TRIM37: variants seen among roughly 807,000 people sequenced by gnomAD.
TRIM37 encodes E3 ubiquitin-protein ligase TRIM37.
In TRIM37, 80 loss-of-function variants were observed where a neutral mutation model predicts 129.8. That is an observed-to-expected ratio of 0.62 (90% CI 0.51 to 0.74). The LOEUF is 0.74. Ranked by LOEUF, TRIM37 falls within the 30% of genes least tolerant of loss-of-function variation. The pLI is 0.00. For missense variants in TRIM37, 1,054 were observed against 1,176.5 expected (o/e 0.90, Z 1.52); for synonymous variants, 389 against 387.1 (o/e 1.00, Z -0.06).
chr17:59,032,473 C>T (rs1476836901), intron 17 of TRIM37, among the ~76,000 whole-genome samples: 1 of 141,806 alleles, frequency 7.1e-6, no homozygotes, highest in Non-Finnish European at 1.5e-5. Context: ...TGCAGTGAGC[C>T]GAGATTGCGC....
chr17:59,071,735 A>G (rs1408190987), intron 8 of TRIM37, among the ~76,000 whole-genome samples: 2 of 152,218 alleles, frequency 1.3e-5, no homozygotes, highest in African/African-American at 4.8e-5. Context: ...TAACAAATCT[A>G]ACTTCAGTAA....
At chr17:59,041,928 T>A (rs755416317) in intron 16 of TRIM37, 30 bp from the exon 17 acceptor site, 1 of 1,518,804 alleles carries the variant, frequency 6.6e-7, no homozygotes, top group South Asian at 1.1e-5. Context: ...ATCATTTATA[T>A]AGAGTGATAC....
intron 16 of TRIM37, among the ~76,000 whole-genome samples, chr17:59,046,575 C>T (rs1457681273): frequency 7.4e-6 from 1 of 135,124 alleles, no homozygotes; most frequent in Non-Finnish European, 1.6e-5. Flanking sequence ...TCTCAACTGT[C>T]GCCCAGGCTG....
At chr17:59,094,661 TG>T in intron 2 of TRIM37, among the ~76,000 whole-genome samples, 1 of 151,966 alleles carries the variant, frequency 6.6e-6, no homozygotes, top group South Asian at 2.1e-4. Flanking sequence ...CAATTACTAC[TG>T]GATGTGAGGA....
chr17:59,072,514 G>A (rs1471668856), intron 8 of TRIM37, among the ~76,000 whole-genome samples: 1 of 151,936 alleles, frequency 6.6e-6, no homozygotes, highest in Admixed American at 6.6e-5. Context: ...GATCACTTAG[G>A]GTGAGGAGTT....
chr17:59,020,866 A>C (rs542615470), intron 19 of TRIM37, among the ~76,000 whole-genome samples: 1 of 152,330 alleles, frequency 6.6e-6, no homozygotes. Context: ...ACTCTCATAC[A>C]CCATTGGTGG....
chr17:59,011,793 T>C (rs1771327717), intron 22 of TRIM37, among the ~76,000 whole-genome samples: 1 of 152,226 alleles, frequency 6.6e-6, no homozygotes, highest in African/African-American at 2.4e-5. Context: ...GGAATGCTTC[T>C]TTAAGAAGAA....
At position 59,051,282 on chromosome 17, in the gene TRIM37, G is replaced by C. The variant is rs763574384; in HGVS notation, c.1246C>G (p.His416Asp). ...PTFFQKSRDQHWYITQLEAAQ... is the reference protein window; with the variant it reads ...PTFFQKSRDQDWYITQLEAAQ... ...GCTTCCAACTGAGTAATGTACCAATGCTGGTCCCGGGATTTTTGAAAGAAA... is the reference window on the plus strand; with the variant it reads ...GCTTCCAACTGAGTAATGTACCAATCCTGGTCCCGGGATTTTTGAAAGAAA... The change falls in exon 14 of 24, where the codon CAT becomes GAT. Residue 416 changes from histidine (H) to aspartate (D), a missense_variant. Physicochemically the swap from His to Asp is moderately conservative, Grantham distance 81. Transcript: ENST00000262294. 1 of 1,613,846 alleles carries C rather than the reference G, an allele frequency of 6.2e-7. No homozygotes were observed. Among genetic ancestry groups the C allele is most frequent in the East Asian group, 2.2e-5 (1 of 44,838 alleles).
intron 9 of TRIM37, among the ~76,000 whole-genome samples, chr17:59,067,828 G>A (rs939065016): frequency 2.1e-5 from 3 of 144,106 alleles, no homozygotes; most frequent in East Asian, 1.9e-4. Flanking sequence ...GAGCCACCGC[G>A]CCCAGCCCAC....
chr17:59,006,718 G>A (rs1010084018), intron 22 of TRIM37, among the ~76,000 whole-genome samples: 1 of 151,956 alleles, frequency 6.6e-6, no homozygotes, highest in Non-Finnish European at 1.5e-5. Flanking sequence ...GCAAAACCCC[G>A]TCTCTACTAA....
chr17:59,025,827 T>C (rs574867045), intron 19 of TRIM37, among the ~76,000 whole-genome samples: 40 of 152,362 alleles, frequency 2.6e-4, no homozygotes, highest in Non-Finnish European at 4.3e-4. Context: ...GCTGTACTTT[T>C]GGTTTTAATA....
At chr17:58,970,981 GTTGTT>G in the TRIM37 span, among the ~76,000 whole-genome samples, 5 of 151,952 alleles carry the variant, frequency 3.3e-5, no homozygotes, top group African/African-American at 1.2e-4. Flanking sequence ...TGTTGTTGTT[GTTGTT>G]TTCTGACCAT....
chr17:59,106,155 G>A lies in TRIM37; in HGVS notation c.21+286C>T, dbSNP rs574327103. 1.4e-3 allele frequency among the ~76,000 whole-genome samples: 218 copies of A among 152,284 alleles called. 1 individual carries two copies. Among genetic ancestry groups the A allele is most frequent in the African/African-American group, 5.1e-3 (212 of 41,564 alleles). ...ATCTGATGAATCTGCAGTTTTGGTC[G>A]GAAAAGGATGCTGTTTGCAAACACC... On this transcript the variant is annotated intron_variant, in intron 1 of 23. Coordinates refer to ENST00000262294, the MANE Select transcript of TRIM37 (RefSeq NM_015294.6).
the TRIM37 span, among the ~76,000 whole-genome samples, chr17:58,971,333 C>A: frequency 6.6e-6 from 1 of 152,064 alleles, no homozygotes; most frequent in African/African-American, 2.4e-5. Flanking sequence ...TACAAGAGAC[C>A]TTTTACCACC....
At chr17:58,997,381 G>C (rs1234062542), downstream of TRIM37, among the ~76,000 whole-genome samples, 1 of 152,146 alleles carries the variant, frequency 6.6e-6, no homozygotes, top group Non-Finnish European at 1.5e-5. Context: ...CTGCAAGTGA[G>C]ATAAAGTGGA....
At chr17:59,021,001 G>A (rs1598939717) in intron 19 of TRIM37, among the ~76,000 whole-genome samples, 1 of 152,150 alleles carries the variant, frequency 6.6e-6, no homozygotes, top group African/African-American at 2.4e-5. Context: ...AAGCAAATTA[G>A]TATGTCAAAG....
intron 2 of TRIM37, among the ~76,000 whole-genome samples, chr17:59,098,887 A>C (rs2045178477): frequency 6.6e-6 from 1 of 152,100 alleles, no homozygotes; most frequent in Non-Finnish European, 1.5e-5. Flanking sequence ...ATCAAGAGAT[A>C]AAAATGGATA....
At chr17:59,081,959 AAAAAAAAT>A (rs2043323565) in intron 5 of TRIM37, among the ~76,000 whole-genome samples, 1 of 130,882 alleles carries the variant, frequency 7.6e-6, no homozygotes, top group East Asian at 2.1e-4. Context: ...AAAATAAAAA[AAAAAAAAT>A]AATAATAATA....
chr17:59,064,255 A>C, intron 10 of TRIM37, 100 bp downstream of exon 10: 1 of 874,874 alleles, frequency 1.1e-6, no homozygotes, highest in Middle Eastern at 2.5e-4. Context: ...TTCTAAAGTG[A>C]GTGACACAGT....
Sources: allele counts gnomAD v4.1 joint callset (sites outside exome capture counted in the v4.1 genomes callset), GRCh38; gene constraint gnomAD v4.1.1; transcripts MANE v1.5; gene names NCBI Gene and HGNC (gene_info 2026-07-23, HGNC 2026-07-21).